The following ZNF451 variants were observed in gnomAD, a reference collection of about 807,000 sequenced individuals.
The protein encoded by ZNF451 is E3 SUMO-protein ligase ZNF451.
Under a neutral mutation model 107.1 loss-of-function variants are expected in ZNF451, and 80 were observed. The ratio of observed to expected loss-of-function variants is 0.75; its 90% CI spans 0.62 to 0.90. The LOEUF (loss-of-function observed/expected upper bound fraction) is 0.90, where lower values mean the gene tolerates loss of function less well. ZNF451 is among the 40% of genes least tolerant of loss of function. The probability of loss-of-function intolerance (pLI) is 0.00; values close to 1 mark genes in which losing one functional copy is unlikely to be tolerated. For synonymous variants in ZNF451, 362 were observed against 406.5 expected (o/e 0.89, Z 1.32); for missense variants, 1,107 against 1,236.2 (o/e 0.90, Z 1.57).
At chr6:57,096,867 C>CTGGG (rs1229802236) in intron 2 of ZNF451, among the ~76,000 whole-genome samples, 2 of 148,462 alleles carry the variant, frequency 1.3e-5, no homozygotes, top group African/African-American at 5.0e-5. Flanking sequence ...CCTCTGCCTC[C>CTGGG]TGGGTTCAAG....
chr6:57,107,861 C>T (rs1206828741), intron 3 of ZNF451: 27 of 859,478 alleles, frequency 3.1e-5, no homozygotes, highest in African/African-American at 1.6e-4. Flanking sequence ...TTTTTTGAGA[C>T]GGAGTCTTGC....
At chr6:57,164,526 T>G (rs1763816258) in intron 14 of ZNF451, among the ~76,000 whole-genome samples, 2 of 152,250 alleles carry the variant, frequency 1.3e-5, no homozygotes, top group Admixed American at 6.5e-5. Flanking sequence ...CAGCATTATA[T>G]AGATAATTTT....
At chr6:57,159,265 A>G (rs1453983856) in intron 13 of ZNF451, 1 of 985,312 alleles carries the variant, frequency 1.0e-6, no homozygotes, top group African/African-American at 1.7e-5. Flanking sequence ...TGACAAATCA[A>G]GGATTTGTCA....
At chr6:57,104,392 A>AAGGCTACTTC in intron 3 of ZNF451, 1 of 985,334 alleles carries the variant, frequency 1.0e-6, no homozygotes, top group Non-Finnish European at 1.2e-6. Flanking sequence ...CTGACTAGCT[A>AAGGCTACTTC]AGGCTACTTC....
At chr6:57,121,992 G>A (rs1388438576) in intron 3 of ZNF451, among the ~76,000 whole-genome samples, 1 of 152,172 alleles carries the variant, frequency 6.6e-6, no homozygotes, top group East Asian at 1.9e-4. Flanking sequence ...CAAGGCTACA[G>A]TAACCAAACC....
At chr6:57,098,433 T>C (rs1289528530) in intron 2 of ZNF451, among the ~76,000 whole-genome samples, 1 of 152,084 alleles carries the variant, frequency 6.6e-6, no homozygotes. Flanking sequence ...TGCATTGTCA[T>C]GTGCCTATAC....
Position 57,156,547 on chromosome 6 carries a change from AATGTGGTTT to A in ZNF451, c.3070+2501_3070+2509del, listed in dbSNP as rs1223077892. ...TGACAGCCAGTCAGTTTCTTAAGGC[AATGTGGTTT>A]TTGGGGTGAAGGGGTCACTGGACCT... On this transcript the variant is annotated intron_variant, in intron 13 of 14. Coordinates refer to ENST00000370706, the MANE Select transcript of ZNF451 (RefSeq NM_001031623.3). Among the ~76,000 whole-genome samples, 22 of 152,132 alleles carry A rather than the reference AATGTGGTTT, an allele frequency of 1.4e-4. 1 individual carries two copies. Among genetic ancestry groups the A allele is most frequent in the Admixed American group, 1.4e-3 (22 of 15,270 alleles).
intron 5 of ZNF451, among the ~76,000 whole-genome samples, chr6:57,132,606 C>A (rs1831231089): frequency 6.6e-6 from 1 of 151,732 alleles, no homozygotes; most frequent in Non-Finnish European, 1.5e-5. Context: ...TATAGGCCCA[C>A]CTGCTCAAAA....
At chr6:57,105,695 G>C in intron 3 of ZNF451, 1 of 985,318 alleles carries the variant, frequency 1.0e-6, no homozygotes, top group Non-Finnish European at 1.2e-6. Context: ...CTATAGATAT[G>C]CTCTAGGTTT....
chr6:57,113,299 G>GA lies in ZNF451; in HGVS notation c.187-11434dup, dbSNP rs1830195843. Among the ~76,000 whole-genome samples the GA allele has an allele frequency of 2.0e-5, 3 of 151,878 alleles. No individual in the cohort carries two copies. The South Asian group carries it at 6.3e-4, about 32-fold the overall frequency. ...CTCCAGCTCCATCCATGTTCCTGCA[G>GA]AGGACATGATGTCATTCTTTTTTTT... is the stretch of plus-strand genomic sequence containing the variant. On this transcript the variant is annotated intron_variant, in intron 3 of 14. Coordinates refer to ENST00000370706, the MANE Select transcript of ZNF451 (RefSeq NM_001031623.3).
chr6:57,109,064 C>A, intron 3 of ZNF451: 1 of 985,318 alleles, frequency 1.0e-6, no homozygotes, highest in Non-Finnish European at 1.2e-6. Context: ...ACTGTCACCC[C>A]ACTAGTATTT....
At chr6:57,100,621 G>A (rs1035523742) in intron 3 of ZNF451, 16 of 1,527,988 alleles carry the variant, frequency 1.0e-5, no homozygotes, top group Non-Finnish European at 1.4e-5. Context: ...TGAATCTAAG[G>A]TGCCATCCTC....
Position 57,170,008 on chromosome 6 carries a change from T to G in ZNF451, c.*1539T>G, listed in dbSNP as rs919970033. The G allele has an allele frequency of 1.3e-5, 2 of 152,008 alleles. No individual in the cohort carries two copies. The highest frequency in any genetic ancestry group is 1.3e-4 in the Admixed American group (2 of 15,272). The allele number at this position is 152,008 out of a possible 1,614,324, so 9.4% of individuals were successfully genotyped here. On this transcript the variant is annotated 3_prime_UTR_variant, in exon 15 of 15. Transcript: ENST00000370706. ...CCAGAGATTCTACACAAAGGTGTGA[T>G]GGACACTGATGCTCTATTAAGAAGC...
At chr6:57,162,729 C>T (rs1763721755) in intron 14 of ZNF451, among the ~76,000 whole-genome samples, 1 of 152,158 alleles carries the variant, frequency 6.6e-6, no homozygotes, top group African/African-American at 2.4e-5. Flanking sequence ...AAAATTATAA[C>T]TTTTAAATAA....
At position 57,148,394 on chromosome 6, in the gene ZNF451, C is replaced by T. The variant is rs1832187065; in HGVS notation, c.2309C>T (p.Thr770Ile). 2 of 1,613,798 alleles carry T rather than the reference C, an allele frequency of 1.2e-6. No individual in the cohort carries two copies. Among genetic ancestry groups the T allele is most frequent in the Non-Finnish European group, 1.7e-6 (2 of 1,179,822 alleles). ...ATAQNLTDMN[T>I]HIHQVHKEKS... is the part of the protein sequence containing the mutation. ...GCACAGAATTTAACCGACATGAACA[C>T]TCATATCCATCAAGTGCACAAAGAA... The change falls in exon 10 of 15, where the codon ACT becomes ATT. Residue 770 changes from threonine (T) to isoleucine (I), a missense_variant. By Grantham distance (89) the Thr-to-Ile change is moderately conservative. Coordinates refer to ENST00000370706, the MANE Select transcript of ZNF451 (RefSeq NM_001031623.3).
At chr6:57,138,912 C>A (rs1017802220) in intron 7 of ZNF451, among the ~76,000 whole-genome samples, 2 of 149,848 alleles carry the variant, frequency 1.3e-5, no homozygotes, top group African/African-American at 4.9e-5. Context: ...GCCAAGTATG[C>A]CATATTTTTG....
chr6:57,099,051 T>C lies in ZNF451; in HGVS notation c.106-10T>C, dbSNP rs1393373498. On this transcript the variant is annotated splice_polypyrimidine_tract_variant and intron_variant, in intron 2 of 14. Coordinates refer to ENST00000370706, the MANE Select transcript of ZNF451 (RefSeq NM_001031623.3). ...GTTAATGACTTCTAAATTTGCTTGA[T>C]TGTTTATAGGAAGGACCATTACGAC... 1 of 1,611,130 alleles carries C rather than the reference T, an allele frequency of 6.2e-7. No individual in the cohort carries two copies. The highest frequency in any genetic ancestry group is 1.7e-5 in the Admixed American group (1 of 59,938).
At chr6:57,099,323 A>G in intron 3 of ZNF451, 182 bp downstream of exon 3, 1 of 640,040 alleles carries the variant, frequency 1.6e-6, no homozygotes, top group South Asian at 1.9e-5. Context: ...TTTTTCCTCT[A>G]CTTTGAATGA....
At chr6:57,138,351 C>G (rs1447970090) in intron 7 of ZNF451, among the ~76,000 whole-genome samples, 1 of 151,638 alleles carries the variant, frequency 6.6e-6, no homozygotes, top group East Asian at 1.9e-4. Context: ...CAACCTCTGC[C>G]TCCCGGGTTC....
Sources: allele counts gnomAD v4.1 joint callset (sites outside exome capture counted in the v4.1 genomes callset), GRCh38; gene constraint gnomAD v4.1.1; transcripts MANE v1.5; gene names NCBI Gene and HGNC (gene_info 2026-07-23, HGNC 2026-07-21).